The following SYNCRIP variants were observed in gnomAD, a reference collection of about 807,000 sequenced individuals.
SYNCRIP encodes the protein synaptotagmin binding cytoplasmic RNA interacting protein, also known as heterogeneous nuclear ribonucleoprotein Q.
In SYNCRIP, 9 loss-of-function variants were observed where a neutral mutation model predicts 68.9. The ratio of observed to expected loss-of-function variants is 0.13; its 90% confidence interval spans 0.08 to 0.23. The LOEUF (loss-of-function observed/expected upper bound fraction) is 0.23. SYNCRIP is among the 10% of genes least tolerant of loss of function. SYNCRIP has a pLI of 1.00. For missense variants in SYNCRIP, 414 were observed against 770.6 expected (o/e 0.54, Z 5.48); for synonymous variants, 258 against 254.0 (o/e 1.02, Z -0.15).
upstream of SYNCRIP, chr6:85,643,005 C>A (rs1809398479): frequency 6.9e-6 from 1 of 144,936 alleles, no homozygotes. Flanking sequence ...CCCCCCCTTC[C>A]CTTCCCTTCC....
chr6:85,614,532 C>G lies in SYNCRIP; in HGVS notation c.*224G>C. 2 of 1,247,206 alleles carry G rather than the reference C, an allele frequency of 1.6e-6. No homozygotes were observed. The highest frequency in any genetic ancestry group is 2.0e-6 in the Non-Finnish European group (2 of 996,286). 77.3% of individuals were successfully genotyped at this position (1,247,206 alleles called of 1,614,324 possible). Reference sequence around the variant, plus strand: ...ACAAATGCAAACTCATTAACTATTTCTTTCAGTATCTAAGAATATCTTTAT... The same window carrying G: ...ACAAATGCAAACTCATTAACTATTTGTTTCAGTATCTAAGAATATCTTTAT... On this transcript the variant is annotated 3_prime_UTR_variant, in exon 11 of 11. Transcript: ENST00000369622.
chr6:85,630,012 GACAGTATACATAACCAATCT>G (rs1807546344), intron 6 of SYNCRIP, among the ~76,000 whole-genome samples: 1 of 151,320 alleles, frequency 6.6e-6, no homozygotes, highest in Admixed American at 6.6e-5. Flanking sequence ...TACACATCAT[GACAGTATACATAACCAATCT>G]GGTGACTAAA....
chr6:85,628,277 A>G (rs938786959), intron 6 of SYNCRIP, among the ~76,000 whole-genome samples: 4 of 152,174 alleles, frequency 2.6e-5, no homozygotes, highest in Admixed American at 6.5e-5. Flanking sequence ...GCTGGTCTCG[A>G]ACTCCTGGCC....
chr6:85,622,395 A>G, intron 8 of SYNCRIP, 87 bp downstream of exon 8: 1 of 1,230,332 alleles, frequency 8.1e-7, no homozygotes, highest in South Asian at 1.3e-5. Flanking sequence ...AAAAATGTAT[A>G]CTGTTCATTT....
intron 6 of SYNCRIP, among the ~76,000 whole-genome samples, chr6:85,635,924 T>C (rs1316382121): frequency 2.0e-5 from 3 of 152,086 alleles, no homozygotes; most frequent in Non-Finnish European, 4.4e-5. Flanking sequence ...ATTTTAAGTT[T>C]GTCTGGAATT....
chr6:85,629,516 C>CAAAAAAAAAAAAAAAAAAAA (rs781083306), intron 6 of SYNCRIP, among the ~76,000 whole-genome samples: 2 of 64,898 alleles, frequency 3.1e-5, no homozygotes, highest in Admixed American at 4.0e-4. Flanking sequence ...ACTAAAAATA[C>CAAAAAAAAAAAAAAAAAAAA]AAAAAAAAAA....
At chr6:85,623,579 A>AACAAACAAAAAAAAAAAAC (rs1806689190) in intron 7 of SYNCRIP, among the ~76,000 whole-genome samples, 1 of 125,758 alleles carries the variant, frequency 8.0e-6, no homozygotes, top group African/African-American at 2.6e-5. Flanking sequence ...AAAAAAAAAA[A>AACAAACAAAAAAAAAAAAC]AAAACACTCT....
rs79868068 is a variant in SYNCRIP, at chr6:85,637,527, T to C, written c.376-171A>G. The stretch of plus-strand genomic sequence containing the variant: ...TTTCCCCTTAAATGTGTACTTGTTA[T>C]ACTCCTAAATTATTATCAGAAGTCC... On this transcript the variant is annotated intron_variant, in intron 4 of 10. Coordinates refer to ENST00000369622, the MANE Select transcript of SYNCRIP (RefSeq NM_006372.5). Among the ~76,000 whole-genome samples, 2,402 of 152,356 alleles carry C rather than the reference T, an allele frequency of 0.016. 148 individuals are homozygous for C. The East Asian group carries it at 0.19, about 12-fold the overall frequency.
Position 85,614,236 on chromosome 6 carries a change from A to C in SYNCRIP, c.*520T>G. 5.1e-6 allele frequency: 5 copies of C among 985,660 alleles called. No individual in the cohort carries two copies. Among genetic ancestry groups the C allele is most frequent in the Non-Finnish European group, 6.0e-6 (5 of 829,728 alleles). The allele number at this position is 985,660 out of a possible 1,614,324, so 61.1% of individuals were successfully genotyped here. ...GTATACATTTAGGTGTGAATTTTTTATTGAAATAAACAACAGCATAAAGAA... is the reference window on the plus strand; with the variant it reads ...GTATACATTTAGGTGTGAATTTTTTCTTGAAATAAACAACAGCATAAAGAA... On this transcript the variant is annotated 3_prime_UTR_variant, in exon 11 of 11. Transcript: ENST00000369622.
intron 6 of SYNCRIP, among the ~76,000 whole-genome samples, chr6:85,635,774 C>CCAAAAAA (rs1244300702): frequency 2.5e-5 from 2 of 78,908 alleles, no homozygotes. Flanking sequence ...TTCTATCTCC[C>CCAAAAAA]AAAAAAAAAA....
chr6:85,639,194 T>A (rs1486033985), intron 4 of SYNCRIP, among the ~76,000 whole-genome samples: 1 of 151,704 alleles, frequency 6.6e-6, no homozygotes, highest in African/African-American at 2.4e-5. Context: ...GGTGACAGAG[T>A]AAGACTCTGT....
At chr6:85,635,950 A>G (rs1323917259) in intron 6 of SYNCRIP, among the ~76,000 whole-genome samples, 1 of 152,128 alleles carries the variant, frequency 6.6e-6, no homozygotes, top group Non-Finnish European at 1.5e-5. Flanking sequence ...CAGGATACGT[A>G]AGCCAGATAA....
At chr6:85,640,373 A>G in intron 3 of SYNCRIP, 45 bp from the exon 4 acceptor site, 1 of 1,589,668 alleles carries the variant, frequency 6.3e-7, no homozygotes, top group Non-Finnish European at 8.6e-7. Flanking sequence ...ACCATATCTG[A>G]GTCTAATAAA....
At chr6:85,633,956 TCTC>T in intron 6 of SYNCRIP, among the ~76,000 whole-genome samples, 1 of 152,112 alleles carries the variant, frequency 6.6e-6, no homozygotes, top group East Asian at 1.9e-4. Context: ...AAATGCAAAG[TCTC>T]CTATTAATTA....
At chr6:85,623,579 A>AAAAAAAAAAAAAAAC (rs1554184894) in intron 7 of SYNCRIP, among the ~76,000 whole-genome samples, 1 of 125,754 alleles carries the variant, frequency 8.0e-6, no homozygotes, top group Non-Finnish European at 1.8e-5. Flanking sequence ...AAAAAAAAAA[A>AAAAAAAAAAAAAAAC]AAAACACTCT....
intron 6 of SYNCRIP, among the ~76,000 whole-genome samples, chr6:85,634,156 A>T (rs1248204921): frequency 6.6e-6 from 1 of 152,214 alleles, no homozygotes; most frequent in Non-Finnish European, 1.5e-5. Context: ...AGCAACCTAC[A>T]GCAATGCAAT....
chr6:85,632,320 T>C (rs2128295721), intron 6 of SYNCRIP, among the ~76,000 whole-genome samples: 1 of 152,288 alleles, frequency 6.6e-6, no homozygotes, highest in Non-Finnish European at 1.5e-5. Context: ...AAAGGAGGCA[T>C]GAGGCACTTT....
chr6:85,632,272 CAG>C (rs748888467), intron 6 of SYNCRIP, among the ~76,000 whole-genome samples: 22 of 152,140 alleles, frequency 1.4e-4, no homozygotes, highest in Non-Finnish European at 2.8e-4. Flanking sequence ...AAAAGAGAAA[CAG>C]AGGTGCTTCA....
chr6:85,640,211 A>G lies in SYNCRIP; in HGVS notation c.375+10T>C. 5.6e-6 allele frequency: 9 copies of G among 1,592,948 alleles called. No individual in the cohort carries two copies. Among genetic ancestry groups the G allele is most frequent in the Non-Finnish European group, 7.7e-6 (9 of 1,162,288 alleles). ...GACTTTAAAACTAAAGGGAGTATAG[A>G]AAGACATACCTTAATTTTTGCCTCA... On this transcript the variant is annotated intron_variant, in intron 4 of 10. Transcript: ENST00000369622.
Sources: allele counts gnomAD v4.1 joint callset (sites outside exome capture counted in the v4.1 genomes callset), GRCh38; gene constraint gnomAD v4.1.1; transcripts MANE v1.5; gene names NCBI Gene and HGNC (gene_info 2026-07-23, HGNC 2026-07-21).